RANBP2: variants seen among roughly 807,000 people sequenced by gnomAD.
RANBP2 encodes E3 SUMO-protein ligase RanBP2.
RANBP2 carries 57 observed loss-of-function variants against 303.6 expected under a neutral mutation model. The ratio of observed to expected loss-of-function variants is 0.19; its 90% CI spans 0.15 to 0.23. The LOEUF (loss-of-function observed/expected upper bound fraction) is 0.23. Among genes scored for constraint, RANBP2 ranks in the 10% least tolerant of loss-of-function variants. The pLI is 1.00. For missense variants in RANBP2, 3,138 were observed against 3,780.8 expected (o/e 0.83, Z 4.46); for synonymous variants, 1,167 against 1,301.5 (o/e 0.90, Z 2.23).
chr2:109,046,302 TAA>T, the RANBP2 span, among the ~76,000 whole-genome samples: 2 of 124,278 alleles, frequency 1.6e-5, no homozygotes, highest in Non-Finnish European at 3.4e-5. Flanking sequence ...AGACTCTGTC[TAA>T]AAAAAAAAAA....
At chr2:109,734,997 T>G in the RANBP2 span, among the ~76,000 whole-genome samples, 1 of 152,192 alleles carries the variant, frequency 6.6e-6, no homozygotes, top group Non-Finnish European at 1.5e-5. Context: ...ATTTATAATT[T>G]CTTTGTGGTA....
At chr2:109,689,273 T>TG in the RANBP2 span, among the ~76,000 whole-genome samples, 1 of 152,118 alleles carries the variant, frequency 6.6e-6, no homozygotes, top group Non-Finnish European at 1.5e-5. Flanking sequence ...GGAACAGCCC[T>TG]GGGAGCTGCA....
At chr2:109,288,297 C>G in the RANBP2 span, among the ~76,000 whole-genome samples, 1 of 152,200 alleles carries the variant, frequency 6.6e-6, no homozygotes, top group Admixed American at 6.5e-5. Flanking sequence ...TAACTCCTTT[C>G]AGAGTTATTG....
At chr2:109,036,407 A>G in the RANBP2 span, among the ~76,000 whole-genome samples, 1 of 152,220 alleles carries the variant, frequency 6.6e-6, no homozygotes, top group South Asian at 2.1e-4. Context: ...ATAGACCACT[A>G]TCTCTATAAA....
At chr2:109,674,808 C>T in the RANBP2 span, among the ~76,000 whole-genome samples, 2 of 152,122 alleles carry the variant, frequency 1.3e-5, no homozygotes, top group Non-Finnish European at 2.9e-5. Context: ...TTTCTCCTGT[C>T]AAGATTTACA....
the RANBP2 span, among the ~76,000 whole-genome samples, chr2:109,161,431 T>G: frequency 6.6e-6 from 1 of 151,368 alleles, no homozygotes; most frequent in Non-Finnish European, 1.5e-5. Context: ...AATGTGATGC[T>G]TCCTGATGGT....
At position 108,765,774 on chromosome 2, in the gene RANBP2, T is replaced by C; in HGVS notation, c.5235T>C (p.Ile1745=). ...VRNEASATKC[I]ACQCPSKQNQ... ...ATGAAGCCAGTGCTACCAAATGTATTGCTTGTCAGTGTCCAAGTAAACAAA... is the reference window on the plus strand; with the variant it reads ...ATGAAGCCAGTGCTACCAAATGTATCGCTTGTCAGTGTCCAAGTAAACAAA... The change falls in exon 20 of 29, where the codon ATT becomes ATC. Residue 1745 remains isoleucine, a synonymous_variant. Transcript: ENST00000283195. 6.2e-7 allele frequency: 1 copy of C among 1,614,132 alleles called. No individual in the cohort carries two copies.
chr2:108,734,449 T>C (rs370948504), intron 4 of RANBP2, among the ~76,000 whole-genome samples: 5 of 149,020 alleles, frequency 3.4e-5, no homozygotes, highest in Admixed American at 6.6e-5. Context: ...CTTGGGGTTA[T>C]GATTTCCCAA....
At chr2:109,142,192 G>C in the RANBP2 span, among the ~76,000 whole-genome samples, 1 of 152,098 alleles carries the variant, frequency 6.6e-6, no homozygotes, top group Admixed American at 6.5e-5. Flanking sequence ...CCCCCTGGGC[G>C]GACTCTTGCG....
intron 3 of RANBP2, 68 bp downstream of exon 3, chr2:108,730,953 A>C: frequency 6.6e-7 from 1 of 1,518,216 alleles, no homozygotes. Flanking sequence ...AATTTATATA[A>C]GTAAGTCAAA....
At chr2:109,034,500 G>A in the RANBP2 span, among the ~76,000 whole-genome samples, 1 of 152,078 alleles carries the variant, frequency 6.6e-6, no homozygotes. Context: ...CAAGAGAGGC[G>A]AAGAAGAAAG....
chr2:108,831,992 C>T, the RANBP2 span, among the ~76,000 whole-genome samples: 3 of 152,114 alleles, frequency 2.0e-5, no homozygotes, highest in East Asian at 1.9e-4. Context: ...CTCGGCCTCC[C>T]GAAGTGCTGG....
chr2:109,430,070 C>G, the RANBP2 span, among the ~76,000 whole-genome samples: 4 of 152,206 alleles, frequency 2.6e-5, no homozygotes, highest in Non-Finnish European at 5.9e-5. Context: ...TGGTCAGCAG[C>G]TAGGGCGTGT....
chr2:108,923,824 C>T, the RANBP2 span, among the ~76,000 whole-genome samples: 1 of 152,252 alleles, frequency 6.6e-6, no homozygotes, highest in East Asian at 1.9e-4. Flanking sequence ...CAAGGCCAGA[C>T]CTTCCTGGAG....
chr2:108,727,803 A>G (rs1694848676), intron 1 of RANBP2, among the ~76,000 whole-genome samples: 1 of 151,852 alleles, frequency 6.6e-6, no homozygotes. Flanking sequence ...AGGTTTCTGC[A>G]TGTTGGCCAG....
chr2:108,776,316 T>A (rs1029576106), intron 24 of RANBP2, among the ~76,000 whole-genome samples: 1 of 152,190 alleles, frequency 6.6e-6, no homozygotes, highest in Non-Finnish European at 1.5e-5. Context: ...ATTGTAGAAA[T>A]ATTACGGATT....
chr2:108,774,972 A>G (rs1489884312), intron 23 of RANBP2, among the ~76,000 whole-genome samples: 1 of 152,136 alleles, frequency 6.6e-6, no homozygotes, highest in Non-Finnish European at 1.5e-5. Context: ...GATTGCAGGC[A>G]TGAGCCACTG....
At chr2:109,447,064 C>T in the RANBP2 span, among the ~76,000 whole-genome samples, 1 of 150,674 alleles carries the variant, frequency 6.6e-6, no homozygotes, top group South Asian at 2.1e-4. Context: ...GATTGCCTGA[C>T]CTGCTCTCCT....
At chr2:109,104,071 G>C in the RANBP2 span, among the ~76,000 whole-genome samples, 1 of 152,156 alleles carries the variant, frequency 6.6e-6, no homozygotes, top group Non-Finnish European at 1.5e-5. Flanking sequence ...TGAGATTACA[G>C]GCATGAGCCA....
Sources: allele counts gnomAD v4.1 joint callset (sites outside exome capture counted in the v4.1 genomes callset), GRCh38; gene constraint gnomAD v4.1.1; transcripts MANE v1.5; gene names NCBI Gene and HGNC (gene_info 2026-07-23, HGNC 2026-07-21).